Variants in GJB7 observed in about 807,000 individuals in gnomAD.
GJB7 encodes the protein gap junction beta-7 protein.
For missense variants in GJB7, 253 were observed against 256.8 expected, an observed-to-expected ratio of 0.99 and a Z score of 0.10; for synonymous variants, 87 against 95.2, an observed-to-expected ratio of 0.91 and a Z score of 0.50.
chr6:87,327,190 C>T (rs1376782211), intron 1 of GJB7, among the ~76,000 whole-genome samples: 1 of 149,280 alleles, frequency 6.7e-6, no homozygotes, highest in Admixed American at 6.6e-5. Flanking sequence ...TTCCTGAATA[C>T]AGCACACTGA....
Position 87,284,118 on chromosome 6 carries a change from TTGTG to T in GJB7, c.*119_*122del. 3 of 777,718 alleles carry T rather than the reference TTGTG, an allele frequency of 3.9e-6. No individual in the cohort carries two copies. Among genetic ancestry groups the T allele is most frequent in the Non-Finnish European group, 6.2e-6 (3 of 480,180 alleles). The allele number at this position is 777,718 out of a possible 1,614,324, so 48.2% of individuals were successfully genotyped here. On this transcript the variant is annotated 3_prime_UTR_variant, in exon 3 of 3. Coordinates refer to ENST00000525899, the MANE Select transcript of GJB7 (RefSeq NM_198568.3). ...TGCAGGTTTTCTTTGTTTAACCCTC[TTGTG>T]TGTCACAGAGTAGCTTTGCTTCAGG...
chr6:87,306,224 G>A lies in GJB7; in HGVS notation c.-28+16642C>T, dbSNP rs1048805054. On this transcript the variant is annotated intron_variant, in intron 2 of 2. Coordinates refer to ENST00000525899, the MANE Select transcript of GJB7 (RefSeq NM_198568.3). ...CTTCTGCACAGCAAAAGAAACTACC[G>A]TCAGAGTGAATAGGCAACCTACAAA... is the stretch of plus-strand genomic sequence containing the variant. 5.1e-3 allele frequency among the ~76,000 whole-genome samples: 771 copies of A among 152,082 alleles called. 3 individuals are homozygous for A. Among genetic ancestry groups the A allele is most frequent in the African/African-American group, 0.017 (703 of 41,440 alleles).
At chr6:87,303,660 C>T (rs995636565) in intron 2 of GJB7, among the ~76,000 whole-genome samples, 1 of 152,328 alleles carries the variant, frequency 6.6e-6, no homozygotes, top group East Asian at 1.9e-4. Flanking sequence ...GAACTCAGCT[C>T]TGCACCAAGC....
chr6:87,328,003 C>T (rs61431455), intron 1 of GJB7, among the ~76,000 whole-genome samples: 9,807 of 151,002 alleles, frequency 0.065, 639 homozygotes, highest in African/African-American at 0.17. Context: ...ATTTCATTCA[C>T]TTCATCTTCC....
chr6:87,296,676 G>A (rs948321237), intron 2 of GJB7, among the ~76,000 whole-genome samples: 7 of 152,158 alleles, frequency 4.6e-5, no homozygotes, highest in Admixed American at 4.6e-4. Context: ...CTGAAGACTT[G>A]GAGGGAAAGA....
chr6:87,305,724 T>C (rs911825771), intron 2 of GJB7, among the ~76,000 whole-genome samples: 20 of 152,058 alleles, frequency 1.3e-4, no homozygotes, highest in Non-Finnish European at 2.1e-4. Context: ...GCCAAGTCAA[T>C]CCTAAGCCAA....
chr6:87,307,722 A>T (rs1001494500), intron 2 of GJB7, among the ~76,000 whole-genome samples: 2 of 152,180 alleles, frequency 1.3e-5, no homozygotes, highest in Admixed American at 6.5e-5. Context: ...AAAATCAGGA[A>T]ACAACAGGTG....
intron 2 of GJB7, among the ~76,000 whole-genome samples, chr6:87,312,512 AAAAAAAAAAAC>A: frequency 1.2e-5 from 1 of 85,150 alleles, no homozygotes; most frequent in African/African-American, 5.6e-5. Flanking sequence ...CTCTGTCTAC[AAAAAAAAAAAC>A]AAAAAAAAAA....
At chr6:87,288,122 C>T (rs990997060) in intron 2 of GJB7, among the ~76,000 whole-genome samples, 3 of 152,014 alleles carry the variant, frequency 2.0e-5, no homozygotes, top group Non-Finnish European at 2.9e-5. Context: ...AGGCTGGTCT[C>T]GAATTCCTGA....
chr6:87,311,211 A>T (rs1776509503), intron 2 of GJB7, among the ~76,000 whole-genome samples: 2 of 152,222 alleles, frequency 1.3e-5, no homozygotes, highest in African/African-American at 4.8e-5. Context: ...CTGGGAGTAT[A>T]AATTGGTGCA....
chr6:87,299,227 G>T (rs1582558612), intron 2 of GJB7: 2 of 454,824 alleles, frequency 4.4e-6, no homozygotes, highest in Admixed American at 2.4e-5. Context: ...TTAAGAAGCT[G>T]TCTGAACCAT....
chr6:87,315,204 TTTCATC>T, intron 2 of GJB7, among the ~76,000 whole-genome samples: 1 of 152,280 alleles, frequency 6.6e-6, no homozygotes, highest in Non-Finnish European at 1.5e-5. Context: ...CGTCTGCTGA[TTTCATC>T]TTCCTAGCAT....
chr6:87,324,711 C>T (rs573376670), intron 1 of GJB7, among the ~76,000 whole-genome samples: 15 of 152,008 alleles, frequency 9.9e-5, no homozygotes, highest in Non-Finnish European at 1.9e-4. Flanking sequence ...TGTGATACCT[C>T]CAGCTTTGTT....
rs149592706 is a variant in GJB7, at chr6:87,284,470, C to T, written c.443G>A (p.Gly148Asp). Reference protein sequence around the residue: ...FLVLFYKLYDGFSVPYLIKCD... With the variant: ...FLVLFYKLYDDFSVPYLIKCD... The stretch of plus-strand genomic sequence containing the variant: ...CTTTATAAGGTAGGGAACACTAAAG[C>T]CATCATATAGCTTATAAAATAAAAC... The change falls in exon 3 of 3, where the codon GGC (glycine) becomes GAC (aspartate). Residue 148 changes from glycine (G) to aspartate (D), a missense_variant. Transcript: ENST00000525899. 1.2e-6 allele frequency: 2 copies of T among 1,613,850 alleles called. No individual in the cohort carries two copies. Among genetic ancestry groups the T allele is most frequent in the African/African-American group, 2.7e-5 (2 of 74,852 alleles).
intron 1 of GJB7, among the ~76,000 whole-genome samples, chr6:87,327,115 G>A (rs1426642415): frequency 6.6e-6 from 1 of 151,308 alleles, no homozygotes; most frequent in Non-Finnish European, 1.5e-5. Context: ...TTTTCCATTT[G>A]CTTGGTAGAT....
intron 2 of GJB7, among the ~76,000 whole-genome samples, chr6:87,287,951 A>G (rs1473406589): frequency 6.6e-6 from 1 of 152,102 alleles, no homozygotes; most frequent in Non-Finnish European, 1.5e-5. Flanking sequence ...TGCCCAGGCT[A>G]GAGTGCAGTG....
intron 2 of GJB7, among the ~76,000 whole-genome samples, chr6:87,310,043 G>A (rs1286967865): frequency 2.6e-5 from 4 of 152,174 alleles, no homozygotes; most frequent in African/African-American, 9.7e-5. Flanking sequence ...TGATGCTGCA[G>A]TGTAATGGGG....
chr6:87,322,002 C>A (rs2127912223), intron 2 of GJB7, among the ~76,000 whole-genome samples: 1 of 152,306 alleles, frequency 6.6e-6, no homozygotes, highest in East Asian at 1.9e-4. Context: ...GGCTATTATT[C>A]CATATGAGAT....
intron 2 of GJB7, among the ~76,000 whole-genome samples, chr6:87,289,166 G>C (rs896640018): frequency 6.6e-6 from 1 of 152,192 alleles, no homozygotes; most frequent in East Asian, 1.9e-4. Flanking sequence ...CATCCATTCT[G>C]TTCCTCCTTC....
Sources: gnomAD v4.1 joint callset for allele counts (sites outside exome capture counted in the v4.1 genomes callset) on GRCh38, gnomAD v4.1.1 for gene constraint, MANE v1.5 for transcripts, NCBI Gene and HGNC (gene_info 2026-07-23, HGNC 2026-07-21) for gene names.